The following BTAF1 variants were observed in gnomAD, a reference collection of about 807,000 sequenced individuals.
BTAF1 encodes B-TFIID TATA-box binding protein associated factor 1.
Under a neutral mutation model 227.1 loss-of-function variants are expected in BTAF1, and 38 were observed. The observed-to-expected ratio is 0.17, with a 90% CI of 0.13 to 0.22. BTAF1 has a LOEUF of 0.22. Among genes scored for constraint, BTAF1 ranks in the 10% least tolerant of loss-of-function variants. BTAF1 has a pLI of 1.00. For synonymous variants in BTAF1, 742 were observed against 751.9 expected (o/e 0.99, Z 0.21); for missense variants, 1,598 against 2,204.0 (o/e 0.73, Z 5.51).
At chr10:91,995,160 A>G (rs1186637554) in intron 23 of BTAF1, among the ~76,000 whole-genome samples, 5 of 152,118 alleles carry the variant, frequency 3.3e-5, no homozygotes, top group Non-Finnish European at 7.4e-5. Flanking sequence ...ATAGAGAATT[A>G]TCTGGTTTTT....
Position 92,027,193 on chromosome 10 carries a change from T to C in BTAF1, c.5299T>C (p.Leu1767=). ...RGTLEEKIMG[L]QKFKMNIANT... Reference sequence around the variant, plus strand: ...AACATTGGAAGAAAAAATAATGGGGTTGCAGAAATTCAAGATGAACATAGC... The same window carrying C: ...AACATTGGAAGAAAAAATAATGGGGCTGCAGAAATTCAAGATGAACATAGC... The change falls in exon 37 of 38, where the codon TTG becomes CTG. Residue 1767 remains leucine (L), a synonymous_variant. Transcript: ENST00000265990. The C allele has an allele frequency of 6.2e-7, 1 of 1,613,854 alleles. No homozygotes were observed. The highest frequency in any genetic ancestry group is 8.5e-7 in the Non-Finnish European group (1 of 1,179,916).
At position 92,009,188 on chromosome 10, in the gene BTAF1, A is replaced by G. The variant is rs747139249; in HGVS notation, c.4083A>G (p.Gly1361=). 1.1e-5 allele frequency: 18 copies of G among 1,613,952 alleles called. No homozygotes were observed. The South Asian group carries it at 2.0e-4, about 18-fold the overall frequency. Residue 1361 remains glycine (G), a synonymous_variant, in exon 28 of 38, where the codon GGA becomes GGG. Transcript: ENST00000265990. ...REYLNPLHYT[G]PPTERIRLQH... Reference sequence around the variant, plus strand: ...ATCTCAACCCGTTGCATTACACTGGACCTCCCACTGAAAGAATAAGGTAAG... The same window carrying G: ...ATCTCAACCCGTTGCATTACACTGGGCCTCCCACTGAAAGAATAAGGTAAG...
intron 5 of BTAF1, 98 bp downstream of exon 5, chr10:91,951,664 G>A: frequency 7.7e-7 from 1 of 1,303,792 alleles, no homozygotes; most frequent in Non-Finnish European, 1.0e-6. Context: ...GTTATACTTA[G>A]CTCTGTTCAT....
chr10:92,028,178 G>A (rs571941967), intron 37 of BTAF1, among the ~76,000 whole-genome samples: 9 of 152,270 alleles, frequency 5.9e-5, no homozygotes, highest in African/African-American at 1.4e-4. Flanking sequence ...ATGCATAGCC[G>A]TCTTCAAATA....
At chr10:91,940,755 G>A (rs1844935795) in intron 3 of BTAF1, among the ~76,000 whole-genome samples, 1 of 151,970 alleles carries the variant, frequency 6.6e-6, no homozygotes, top group Non-Finnish European at 1.5e-5. Flanking sequence ...TGCAGTTTTG[G>A]CTCACTGCAG....
intron 1 of BTAF1, among the ~76,000 whole-genome samples, chr10:91,926,124 T>A (rs574402988): frequency 1.3e-5 from 2 of 152,320 alleles, no homozygotes; most frequent in African/African-American, 4.8e-5. Flanking sequence ...AGTTTCAAGC[T>A]GGCCTTCTCC....
chr10:91,933,597 C>T, intron 1 of BTAF1, among the ~76,000 whole-genome samples: 1 of 152,098 alleles, frequency 6.6e-6, no homozygotes. Flanking sequence ...TTGCTGGTCG[C>T]AGCTGTCAAA....
chr10:91,987,558 T>C (rs753460026), intron 19 of BTAF1, among the ~76,000 whole-genome samples: 1 of 152,140 alleles, frequency 6.6e-6, no homozygotes, highest in Non-Finnish European at 1.5e-5. Flanking sequence ...CTTAGTACTT[T>C]ATATCTAGGT....
At position 92,018,831 on chromosome 10, in the gene BTAF1, A is replaced by G. The variant is rs757882513; in HGVS notation, c.4759A>G (p.Thr1587Ala). 3 of 1,609,992 alleles carry G rather than the reference A, an allele frequency of 1.9e-6. No individual in the cohort carries two copies. The highest frequency in any genetic ancestry group is 2.5e-6 in the Non-Finnish European group (3 of 1,178,956). The change falls in exon 34 of 38, where the codon ACA becomes GCA. Residue 1587 changes from threonine (T) to alanine (A), a missense_variant. Physicochemically the swap from Thr to Ala is moderately conservative, Grantham distance 58 (BLOSUM62 0). This residue lies in a region of BTAF1 where 205 missense variants were observed against 244.5 expected (regional missense o/e 0.84). Transcript: ENST00000265990. Reference protein sequence around the residue: ...KLCNHPALVLTPQHPEFKTTA... With the variant: ...KLCNHPALVLAPQHPEFKTTA... The stretch of plus-strand genomic sequence containing the variant: ...GTGCAACCATCCAGCATTAGTCTTA[A>G]CACCTCAACATCCAGAATTCAAGAC...
intron 16 of BTAF1, 102 bp from the exon 17 acceptor site, chr10:91,981,981 C>T: frequency 7.1e-7 from 1 of 1,410,016 alleles, no homozygotes; most frequent in Admixed American, 2.8e-5. Context: ...GTGAAAAGAA[C>T]TGTATTTTAC....
intron 2 of BTAF1, among the ~76,000 whole-genome samples, chr10:91,937,757 A>T (rs1231649220): frequency 6.6e-6 from 1 of 152,124 alleles, no homozygotes; most frequent in African/African-American, 2.4e-5. Flanking sequence ...AAATTTGTGT[A>T]CAAAATTTTG....
chr10:92,030,683 A>AGTT lies in BTAF1; in HGVS notation c.*1751_*1753dup, dbSNP rs1269390259. Among the ~76,000 whole-genome samples the AGTT allele has an allele frequency of 6.6e-6, 1 of 152,194 alleles. No individual in the cohort carries two copies. The highest frequency in any genetic ancestry group is 2.4e-5 in the African/African-American group (1 of 41,474). The stretch of plus-strand genomic sequence containing the variant: ...ATTTAGGCTGTTTAAACTTTCTGAG[A>AGTT]GTTTAATCAAAAGGTGTGTATTTCT... On this transcript the variant is annotated 3_prime_UTR_variant, in exon 38 of 38. Coordinates refer to ENST00000265990, the MANE Select transcript of BTAF1 (RefSeq NM_003972.3).
chr10:91,940,899 G>T (rs542354385), intron 3 of BTAF1, among the ~76,000 whole-genome samples: 19 of 151,796 alleles, frequency 1.3e-4, no homozygotes, highest in African/African-American at 4.3e-4. Context: ...GGCCAGGCTC[G>T]GGGGGGTGGG....
At chr10:91,924,666 G>C (rs1474568593) in intron 1 of BTAF1, among the ~76,000 whole-genome samples, 1 of 152,138 alleles carries the variant, frequency 6.6e-6, no homozygotes, top group African/African-American at 2.4e-5. Flanking sequence ...ATCATTTTCC[G>C]TAACTAAGGC....
At chr10:91,969,962 GA>G (rs11301741) in intron 14 of BTAF1, among the ~76,000 whole-genome samples, 47,314 of 143,682 alleles carry the variant, frequency 0.33, 8,445 homozygotes, top group South Asian at 0.53. Flanking sequence ...CCCTGTCTCA[GA>G]AAAAAAAAAA....
At chr10:91,998,553 A>C (rs1564706434) in intron 25 of BTAF1, among the ~76,000 whole-genome samples, 1 of 152,226 alleles carries the variant, frequency 6.6e-6, no homozygotes. Context: ...ATGTGTGGCC[A>C]ATGCAGGAAA....
intron 19 of BTAF1, among the ~76,000 whole-genome samples, chr10:91,988,055 T>A (rs1183172645): frequency 6.6e-6 from 1 of 152,190 alleles, no homozygotes; most frequent in African/African-American, 2.4e-5. Flanking sequence ...GGCCTGTTCT[T>A]TAAAAACCAA....
At position 92,030,185 on chromosome 10, in the gene BTAF1, T is replaced by TAACA. The variant is rs1275346322; in HGVS notation, c.*1253_*1256dup. On this transcript the variant is annotated 3_prime_UTR_variant, in exon 38 of 38. Transcript: ENST00000265990. The stretch of plus-strand genomic sequence containing the variant: ...CAACCATCAGACCTCAGCTGTACAA[T>TAACA]AACAGGTGTTTTGTTTAATTAAAAT... 6.6e-6 allele frequency: 1 copy of TAACA among 152,554 alleles called. No individual in the cohort carries two copies. Among genetic ancestry groups the TAACA allele is most frequent in the Non-Finnish European group, 1.5e-5 (1 of 67,964 alleles). The allele number at this position is 152,554 out of a possible 1,614,324, so 9.5% of individuals were successfully genotyped here.
intron 18 of BTAF1, among the ~76,000 whole-genome samples, chr10:91,983,633 C>T (rs1487547383): frequency 6.6e-6 from 1 of 152,202 alleles, no homozygotes; most frequent in Non-Finnish European, 1.5e-5. Flanking sequence ...CATGGACTTA[C>T]TCTGTGAAGC....
Sources: allele counts gnomAD v4.1 joint callset (sites outside exome capture counted in the v4.1 genomes callset), GRCh38; gene constraint gnomAD v4.1.1; regional missense constraint gnomAD v4.1.1; transcripts MANE v1.5; gene names NCBI Gene and HGNC (gene_info 2026-07-23, HGNC 2026-07-21).